LYRM4: variants seen among roughly 807,000 people sequenced by gnomAD.
LYRM4 encodes LYR motif-containing protein 4.
Under a neutral mutation model 11.7 loss-of-function variants are expected in LYRM4, and 9 were observed. That is an observed-to-expected ratio of 0.77 (90% confidence interval 0.46 to 1.34). The LOEUF is 1.34. LYRM4 is among the 40% of genes most tolerant of loss of function. The pLI is 0.00. For synonymous variants in LYRM4, 42 were observed against 40.4 expected (o/e 1.04, Z -0.15); for missense variants, 133 against 112.5 (o/e 1.18, Z -0.82).
chr6:5,244,583 G>T (rs1280001004), intron 1 of LYRM4, among the ~76,000 whole-genome samples: 3 of 152,250 alleles, frequency 2.0e-5, no homozygotes, highest in Non-Finnish European at 4.4e-5. Context: ...CCAGAACACA[G>T]GAAGAAACAG....
At chr6:5,035,189 G>A in the LYRM4 span, among the ~76,000 whole-genome samples, 115 of 152,166 alleles carry the variant, frequency 7.6e-4, 3 homozygotes, top group South Asian at 0.016. Flanking sequence ...AAGAATGTTC[G>A]TAGAACATAA....
Position 5,135,473 on chromosome 6 carries a change from G to T in LYRM4, c.208-25982C>A, listed in dbSNP as rs1435029586. The stretch of plus-strand genomic sequence containing the variant: ...CACTCCCGGGACTGTGGAGGGTGCG[G>T]ATCGCTCCTGGGGCTGTGGAGGGTG... On this transcript the variant is annotated intron_variant, in intron 2 of 2. Transcript: ENST00000330636. 2.6e-4 allele frequency among the ~76,000 whole-genome samples: 26 copies of T among 101,662 alleles called. 2 individuals carry two copies. The highest frequency in any genetic ancestry group is 4.0e-5 in the Non-Finnish European group (2 of 50,460). The allele number at this position is 101,662 out of a possible 152,430, so 66.7% of individuals were successfully genotyped here.
At chr6:5,046,994 G>A in the LYRM4 span, among the ~76,000 whole-genome samples, 6 of 152,198 alleles carry the variant, frequency 3.9e-5, no homozygotes, top group African/African-American at 7.2e-5. Context: ...GGGAGGCTGC[G>A]GTGGGAGAAT....
At chr6:5,038,428 C>T in the LYRM4 span, among the ~76,000 whole-genome samples, 4 of 66,142 alleles carry the variant, frequency 6.0e-5, 1 homozygote, top group Non-Finnish European at 1.1e-4. Flanking sequence ...AGAGGCTCCC[C>T]GTATCCCAGA....
chr6:5,040,022 C>T, the LYRM4 span, among the ~76,000 whole-genome samples: 2 of 152,158 alleles, frequency 1.3e-5, no homozygotes, highest in Non-Finnish European at 2.9e-5. Flanking sequence ...GAAATTAATC[C>T]TGATAGATCA....
the LYRM4 span, among the ~76,000 whole-genome samples, chr6:5,065,045 A>G: frequency 2.2e-3 from 329 of 152,122 alleles, 1 homozygote; most frequent in African/African-American, 7.5e-3. Context: ...TCTCTACCCT[A>G]AACCATGGCA....
chr6:5,136,546 A>G lies in LYRM4; in HGVS notation c.208-27055T>C, dbSNP rs566222325. On this transcript the variant is annotated intron_variant, in intron 2 of 2. Coordinates refer to ENST00000330636, the MANE Select transcript of LYRM4 (RefSeq NM_020408.6). Reference sequence around the variant, plus strand: ...CAGAATGGGATAATGTCAATTTTACATAAGTTAGATGGTATTTATAATGTC... The same window carrying G: ...CAGAATGGGATAATGTCAATTTTACGTAAGTTAGATGGTATTTATAATGTC... 1.5e-4 allele frequency: 148 copies of G among 965,492 alleles called. 3 individuals are homozygous for G. The South Asian group carries it at 5.6e-3, about 37-fold the overall frequency. 59.8% of individuals were successfully genotyped at this position (965,492 alleles called of 1,614,324 possible). A position where few individuals can be genotyped will look rare whatever the true frequency, so the allele number is the denominator to read the frequency against.
the LYRM4 span, chr6:5,043,093 A>T: frequency 6.6e-6 from 1 of 152,202 alleles, no homozygotes; most frequent in Non-Finnish European, 1.5e-5. Context: ...AACTGTAACG[A>T]CCACAACCAC....
At chr6:5,040,950 C>T in the LYRM4 span, among the ~76,000 whole-genome samples, 366 of 152,146 alleles carry the variant, frequency 2.4e-3, 1 homozygote, top group African/African-American at 8.5e-3. Flanking sequence ...ATAAAGAGCC[C>T]CATATGCGAG....
intron 2 of LYRM4, among the ~76,000 whole-genome samples, chr6:5,208,039 G>A (rs1434109595): frequency 6.6e-6 from 1 of 152,176 alleles, no homozygotes; most frequent in Non-Finnish European, 1.5e-5. Context: ...GTCCTTGGGA[G>A]AATTACCCCA....
the LYRM4 span, among the ~76,000 whole-genome samples, chr6:5,041,264 A>G: frequency 2.0e-4 from 31 of 152,162 alleles, no homozygotes; most frequent in Non-Finnish European, 3.5e-4. Flanking sequence ...AATGTGGTTT[A>G]TAGGCTATGT....
chr6:5,120,455 G>T (rs1225806799), intron 2 of LYRM4, among the ~76,000 whole-genome samples: 1 of 152,184 alleles, frequency 6.6e-6, no homozygotes, highest in East Asian at 1.9e-4. Context: ...TTTACCGTGA[G>T]TGTTACAACT....
intron 2 of LYRM4, among the ~76,000 whole-genome samples, chr6:5,194,035 G>A (rs1220963388): frequency 7.3e-6 from 1 of 137,638 alleles, no homozygotes; most frequent in Non-Finnish European, 1.5e-5. Context: ...TATTAGGCAG[G>A]GTTCTCCAGA....
At chr6:5,237,829 C>T (rs1033121652) in intron 1 of LYRM4, among the ~76,000 whole-genome samples, 113 of 152,312 alleles carry the variant, frequency 7.4e-4, no homozygotes, top group Non-Finnish European at 2.2e-4. Context: ...AGCACAGGCC[C>T]TTTGAAACTG....
the LYRM4 span, among the ~76,000 whole-genome samples, chr6:5,062,288 A>G: frequency 7.1e-6 from 1 of 141,822 alleles, no homozygotes; most frequent in East Asian, 1.9e-4. Flanking sequence ...TGTTGATAAT[A>G]TTTATAATAC....
intron 2 of LYRM4, among the ~76,000 whole-genome samples, chr6:5,131,461 A>C (rs1486284181): frequency 6.6e-6 from 1 of 152,232 alleles, no homozygotes; most frequent in African/African-American, 2.4e-5. Context: ...GCAGTTTGGG[A>C]GGTAAAGGCA....
chr6:5,242,160 C>T (rs892376585), intron 1 of LYRM4, among the ~76,000 whole-genome samples: 5 of 150,592 alleles, frequency 3.3e-5, no homozygotes, highest in Admixed American at 1.3e-4. Context: ...GCAACCTCTG[C>T]CTCTCTGGTT....
chr6:5,221,423 G>C (rs1004204622), intron 1 of LYRM4, among the ~76,000 whole-genome samples: 1 of 152,160 alleles, frequency 6.6e-6, no homozygotes, highest in African/African-American at 2.4e-5. Flanking sequence ...GGCTGGGTGC[G>C]GTGGCTCATG....
intron 1 of LYRM4, among the ~76,000 whole-genome samples, chr6:5,220,253 C>T (rs1762508091): frequency 6.6e-6 from 1 of 152,196 alleles, no homozygotes; most frequent in Non-Finnish European, 1.5e-5. Flanking sequence ...TGTCCCCTCC[C>T]AGAAACACCA....
Sources: allele counts gnomAD v4.1 joint callset (sites outside exome capture counted in the v4.1 genomes callset), GRCh38; gene constraint gnomAD v4.1.1; transcripts MANE v1.5; gene names NCBI Gene and HGNC (gene_info 2026-07-23, HGNC 2026-07-21).